The following VPS35L variants were observed in gnomAD, a reference collection of about 807,000 sequenced individuals.
VPS35L encodes VPS35 endosomal protein sorting factor like, also known as VPS35 endosomal protein-sorting factor-like.
A neutral mutation model predicts 133.0 loss-of-function variants in VPS35L; 83 were observed. The ratio of observed to expected loss-of-function variants is 0.62; its 90% confidence interval spans 0.52 to 0.75. The LOEUF is 0.75. VPS35L is among the 30% of genes least tolerant of loss of function. The pLI is 0.00. For synonymous variants in VPS35L, 423 were observed against 449.9 expected (o/e 0.94, Z 0.76); for missense variants, 1,083 against 1,206.8 (o/e 0.90, Z 1.52).
intron 7 of VPS35L, 45 bp from the exon 8 acceptor site, chr16:19,591,745 C>A (rs369260119): frequency 3.5e-6 from 5 of 1,435,166 alleles, no homozygotes; most frequent in Non-Finnish European, 4.9e-6. Context: ...CCTACCCATA[C>A]CAGACATGCC....
chr16:19,631,300 G>A (rs1030749774), intron 18 of VPS35L, among the ~76,000 whole-genome samples: 1 of 152,120 alleles, frequency 6.6e-6, no homozygotes, highest in Non-Finnish European at 1.5e-5. Context: ...CACAAGGTAT[G>A]ACCATATAAT....
At chr16:19,610,264 T>C in intron 11 of VPS35L, 58 bp from the exon 12 acceptor site, 1 of 1,422,160 alleles carries the variant, frequency 7.0e-7, no homozygotes. Context: ...TTTAAAAAAT[T>C]AAAGAACAGC....
At chr16:19,568,617 C>T (rs1303052614) in intron 2 of VPS35L, among the ~76,000 whole-genome samples, 1 of 152,098 alleles carries the variant, frequency 6.6e-6, no homozygotes, top group African/African-American at 2.4e-5. Context: ...ATGCTCCTAT[C>T]ACCCAGGAAA....
rs1003087387 is a variant in VPS35L, at chr16:19,639,051, A to T, written c.1699-964A>T. ...ATTGCACCAGGGCACTCGAGCCTAG[A>T]CAACAGAGCGAAACTCTGTTTCAAA... On this transcript the variant is annotated intron_variant, in intron 20 of 30. Coordinates refer to ENST00000417362, the MANE Select transcript of VPS35L (RefSeq NM_020314.7). The surrounding 1 kb of genome is among the most constrained non-coding windows in gnomAD (Gnocchi z 4.1). Among the ~76,000 whole-genome samples the T allele has an allele frequency of 2.0e-5, 3 of 152,252 alleles. No homozygotes were observed. Among genetic ancestry groups the T allele is most frequent in the Non-Finnish European group, 4.4e-5 (3 of 68,042 alleles).
At position 19,699,692 on chromosome 16, in the gene VPS35L, T is replaced by A. The variant is rs761558291; in HGVS notation, c.2793+44T>A. On this transcript the variant is annotated intron_variant, in intron 30 of 30. Coordinates refer to ENST00000417362, the MANE Select transcript of VPS35L (RefSeq NM_020314.7). This position sits in a 1 kb window ranked among gnomAD's most constrained non-coding sequence, Gnocchi z 4.2. ...CCCGTGGTATAAGCCCACTGGCCAGTGCACAACCACCCTCAACACAGCATT... is the reference window on the plus strand; with the variant it reads ...CCCGTGGTATAAGCCCACTGGCCAGAGCACAACCACCCTCAACACAGCATT... 1.5e-4 allele frequency: 238 copies of A among 1,605,788 alleles called. No homozygotes were observed. Among genetic ancestry groups the A allele is most frequent in the Middle Eastern group, 4.9e-4 (3 of 6,070 alleles).
At chr16:19,601,601 C>T in intron 8 of VPS35L, 63 bp from the exon 9 acceptor site, 1 of 1,529,300 alleles carries the variant, frequency 6.5e-7, no homozygotes. Context: ...AATTAACAAA[C>T]ATTTATTTAC....
chr16:19,676,594 G>C (rs1975070394), intron 27 of VPS35L, among the ~76,000 whole-genome samples: 1 of 152,092 alleles, frequency 6.6e-6, no homozygotes, highest in South Asian at 2.1e-4. Context: ...GCAAGAAATG[G>C]AAATGCTACT....
At position 19,699,798 on chromosome 16, in the gene VPS35L, G is replaced by A. The variant is rs1976050821; in HGVS notation, c.2793+150G>A. 1 of 1,062,524 alleles carries A rather than the reference G, an allele frequency of 9.4e-7. No homozygotes were observed. Among genetic ancestry groups the A allele is most frequent in the Non-Finnish European group, 1.3e-6 (1 of 749,222 alleles). 65.8% of individuals were successfully genotyped at this position (1,062,524 alleles called of 1,614,324 possible). ...TCCATTTCTACTGGATCACTTCCTAGCAGTAAAAAGCAGAGCTGGCCAGGT... is the reference window on the plus strand; with the variant it reads ...TCCATTTCTACTGGATCACTTCCTAACAGTAAAAAGCAGAGCTGGCCAGGT... On this transcript the variant is annotated intron_variant, in intron 30 of 30. Transcript: ENST00000417362. This position sits in a 1 kb window ranked among gnomAD's most constrained non-coding sequence, Gnocchi z 4.2.
intron 7 of VPS35L, among the ~76,000 whole-genome samples, chr16:19,590,643 CAAAA>C (rs940359744): frequency 1.3e-5 from 2 of 151,934 alleles, no homozygotes; most frequent in African/African-American, 4.8e-5. Context: ...GACGAGTACT[CAAAA>C]AAAGAGTTCT....
chr16:19,633,162 C>T lies in VPS35L; in HGVS notation c.1625C>T (p.Ser542Phe). 6.2e-7 allele frequency: 1 copy of T among 1,614,018 alleles called. No homozygotes were observed. The highest frequency in any genetic ancestry group is 1.1e-5 in the South Asian group (1 of 91,076). Residue 542 changes from serine (S) to phenylalanine (F), a missense_variant, in exon 19 of 31, where the codon TCC (serine) becomes TTC (phenylalanine). Ser to Phe is a radical substitution (Grantham distance 155). Coordinates refer to ENST00000417362, the MANE Select transcript of VPS35L (RefSeq NM_020314.7). This position sits in a 1 kb window ranked among gnomAD's most constrained non-coding sequence, Gnocchi z 4.1. ...HMTPDRAFEDSYPQLQLIIKK... is the reference protein window; with the variant it reads ...HMTPDRAFEDFYPQLQLIIKK... Reference sequence around the variant, plus strand: ...ACTCCAGATCGTGCATTTGAAGATTCCTACCCCCAGGTAACAGATTTGCAT... The same window carrying T: ...ACTCCAGATCGTGCATTTGAAGATTTCTACCCCCAGGTAACAGATTTGCAT...
intron 1 of VPS35L, among the ~76,000 whole-genome samples, chr16:19,558,612 T>C (rs1205256407): frequency 6.6e-6 from 1 of 152,170 alleles, no homozygotes; most frequent in Admixed American, 6.5e-5. Flanking sequence ...CCTGTGGTTA[T>C]AGCACACTTG....
chr16:19,647,366 A>AAT (rs1973982728), intron 23 of VPS35L, among the ~76,000 whole-genome samples: 1 of 152,228 alleles, frequency 6.6e-6, no homozygotes, highest in African/African-American at 2.4e-5. Flanking sequence ...GCTATTCATA[A>AAT]ATTTGAAGAA....
At chr16:19,652,902 A>G (rs536105795) in intron 26 of VPS35L, among the ~76,000 whole-genome samples, 2 of 152,370 alleles carry the variant, frequency 1.3e-5, no homozygotes, top group South Asian at 4.1e-4. Flanking sequence ...CCATTAGGCA[A>G]GGATGCTCAG....
chr16:19,594,805 GTGAAGAGGAA>G (rs1377970471), intron 8 of VPS35L, among the ~76,000 whole-genome samples: 2 of 152,058 alleles, frequency 1.3e-5, no homozygotes, highest in Non-Finnish European at 2.9e-5. Context: ...GGGTGAGGGG[GTGAAGAGGAA>G]TGGAGGGAAT....
At position 19,693,767 on chromosome 16, in the gene VPS35L, G is replaced by A. The variant is rs541446999; in HGVS notation, c.2646+2296G>A. On this transcript the variant is annotated intron_variant, in intron 29 of 30. Coordinates refer to ENST00000417362, the MANE Select transcript of VPS35L (RefSeq NM_020314.7). ...TCACTGCACTCCAGCCTGGGCGACAGAGTGAGACTCCATCTCAGAAAAAAA... is the reference window on the plus strand; with the variant it reads ...TCACTGCACTCCAGCCTGGGCGACAAAGTGAGACTCCATCTCAGAAAAAAA... 5.3e-5 allele frequency among the ~76,000 whole-genome samples: 8 copies of A among 151,872 alleles called. No individual in the cohort carries two copies. In the South Asian group the frequency reaches 1.5e-3, roughly 28 times the overall value.
Position 19,608,279 on chromosome 16 carries a change from C to CATTT in VPS35L, c.881+5_881+6insATTT. On this transcript the variant is annotated splice_donor_region_variant and intron_variant, in intron 10 of 30. Transcript: ENST00000417362. ...CAGGGAACTCATTCCAAGATTGTAT[C>CATTT]CTTTTTTTTTTTTTTGGTCTGATGA... 1 of 1,495,624 alleles carries CATTT rather than the reference C, an allele frequency of 6.7e-7. No homozygotes were observed. Among genetic ancestry groups the CATTT allele is most frequent in the Non-Finnish European group, 9.1e-7 (1 of 1,104,584 alleles). The allele number at this position is 1,495,624 out of a possible 1,614,324, so 92.6% of individuals were successfully genotyped here. A position where few individuals can be genotyped will look rare whatever the true frequency, so the allele number is the denominator to read the frequency against.
At chr16:19,571,805 A>G (rs1597314208) in intron 3 of VPS35L, among the ~76,000 whole-genome samples, 1 of 150,692 alleles carries the variant, frequency 6.6e-6, no homozygotes, top group Admixed American at 6.6e-5. Context: ...TTGGCCTCCC[A>G]AAGTGCTGGG....
chr16:19,663,667 T>C (rs1974562968), intron 26 of VPS35L, among the ~76,000 whole-genome samples: 1 of 118,912 alleles, frequency 8.4e-6, no homozygotes, highest in African/African-American at 3.3e-5. Context: ...GTGCAGTAAT[T>C]TCTTTTTTTT....
intron 26 of VPS35L, among the ~76,000 whole-genome samples, chr16:19,667,466 G>C (rs1355174069): frequency 6.6e-6 from 1 of 152,184 alleles, no homozygotes; most frequent in African/African-American, 2.4e-5. Flanking sequence ...CAATGCGGTG[G>C]CTCACGCCTG....
Sources: gnomAD v4.1 joint callset for allele counts (sites outside exome capture counted in the v4.1 genomes callset) on GRCh38, gnomAD v4.1.1 for gene constraint, Gnocchi (gnomAD v3.1) non-coding constraint, MANE v1.5 for transcripts, NCBI Gene and HGNC (gene_info 2026-07-23, HGNC 2026-07-21) for gene names.